The following SHISA9 variants were observed in gnomAD, a reference collection of about 807,000 sequenced individuals.
SHISA9 encodes shisa family member 9, also known as protein shisa-9.
Under a neutral mutation model 38.0 loss-of-function variants are expected in SHISA9, and 13 were observed. That is an observed-to-expected ratio of 0.34 (90% CI 0.22 to 0.54). The LOEUF is 0.54. Ranked by LOEUF, SHISA9 falls within the 20% of genes least tolerant of loss-of-function variation. SHISA9 has a pLI of 0.91. For missense variants in SHISA9, 538 were observed against 575.8 expected, an observed-to-expected ratio of 0.93 and a Z score of 0.67; for synonymous variants, 275 against 242.0, an observed-to-expected ratio of 1.14 and a Z score of -1.27.
At chr16:13,324,552 AG>A in the SHISA9 span, among the ~76,000 whole-genome samples, 3 of 152,140 alleles carry the variant, frequency 2.0e-5, no homozygotes, top group East Asian at 1.9e-4. Flanking sequence ...TATGAGCTGC[AG>A]GGGTTGTTTT....
intron 1 of SHISA9, among the ~76,000 whole-genome samples, chr16:12,906,784 T>C (rs1433517248): frequency 1.3e-5 from 2 of 152,202 alleles, no homozygotes; most frequent in Non-Finnish European, 2.9e-5. Context: ...TGGAGAATCC[T>C]GCGTTGTACG....
the SHISA9 span, among the ~76,000 whole-genome samples, chr16:13,329,626 G>C: frequency 1.3e-5 from 2 of 152,296 alleles, no homozygotes; most frequent in East Asian, 3.9e-4. Flanking sequence ...TCCCAGGCCT[G>C]TGAGTTTCCC....
the SHISA9 span, among the ~76,000 whole-genome samples, chr16:13,273,465 G>A: frequency 6.6e-6 from 1 of 152,270 alleles, no homozygotes. Flanking sequence ...GGTTTTAGAA[G>A]AGGGAATATC....
intron 2 of SHISA9, among the ~76,000 whole-genome samples, chr16:12,965,308 A>C (rs1486448177): frequency 6.6e-6 from 1 of 152,224 alleles, no homozygotes; most frequent in African/African-American, 2.4e-5. Context: ...GGTTGTCCTT[A>C]TATTCACAAA....
Position 13,175,687 on chromosome 16 carries a change from G to A in SHISA9, c.692-27707G>A, listed in dbSNP as rs574746295. Among the ~76,000 whole-genome samples, 9 of 152,340 alleles carry A rather than the reference G, an allele frequency of 5.9e-5. No individual in the cohort carries two copies. The East Asian group carries it at 1.2e-3, about 20-fold the overall frequency. On this transcript the variant is annotated intron_variant, in intron 2 of 4. Coordinates refer to ENST00000558583, the MANE Select transcript of SHISA9 (RefSeq NM_001145204.3). Reference sequence around the variant, plus strand: ...CTCCAGTATTTCTCTGCATGGGCACGGTGAGCACATTGGGTGGGATGAATC... The same window carrying A: ...CTCCAGTATTTCTCTGCATGGGCACAGTGAGCACATTGGGTGGGATGAATC...
At chr16:13,148,462 A>G (rs2050467512) in intron 2 of SHISA9, among the ~76,000 whole-genome samples, 1 of 152,068 alleles carries the variant, frequency 6.6e-6, no homozygotes, top group Non-Finnish European at 1.5e-5. Context: ...TTTCACCCAC[A>G]AAACATATAT....
chr16:13,422,649 T>C, the SHISA9 span, among the ~76,000 whole-genome samples: 1 of 152,156 alleles, frequency 6.6e-6, no homozygotes, highest in Non-Finnish European at 1.5e-5. Context: ...TGAGCTGAGA[T>C]CACTCCACTG....
the SHISA9 span, among the ~76,000 whole-genome samples, chr16:13,434,425 T>TTTTTTGTTTGTTTTG: frequency 4.0e-4 from 53 of 132,346 alleles, 1 homozygote; most frequent in African/African-American, 1.0e-3. Context: ...CTATGTTTTT[T>TTTTTTGTTTGTTTTG]TTTTTTTTTT....
At chr16:13,192,117 TCAGAAA>T (rs2050891018) in intron 2 of SHISA9, among the ~76,000 whole-genome samples, 1 of 152,036 alleles carries the variant, frequency 6.6e-6, no homozygotes. Flanking sequence ...GTGAACTAAC[TCAGAAA>T]CAGAAAATAA....
chr16:13,452,796 A>G, the SHISA9 span, among the ~76,000 whole-genome samples: 1 of 151,682 alleles, frequency 6.6e-6, no homozygotes, highest in South Asian at 2.1e-4. Flanking sequence ...CAATACACCA[A>G]GCTGTCTGGG....
intron 2 of SHISA9, among the ~76,000 whole-genome samples, chr16:13,045,302 C>T (rs537456345): frequency 1.1e-4 from 16 of 152,218 alleles, no homozygotes; most frequent in Admixed American, 2.0e-4. Context: ...GGTATTAACC[C>T]ATTTTGCAGG....
chr16:13,125,483 A>G (rs757870409), intron 2 of SHISA9, among the ~76,000 whole-genome samples: 10 of 152,184 alleles, frequency 6.6e-5, no homozygotes, highest in African/African-American at 1.9e-4. Flanking sequence ...GGGTGGTAAC[A>G]CTTATCTCAC....
chr16:13,097,099 T>C (rs2073835524), intron 2 of SHISA9, among the ~76,000 whole-genome samples: 1 of 152,138 alleles, frequency 6.6e-6, no homozygotes, highest in Non-Finnish European at 1.5e-5. Flanking sequence ...TAATCAACAC[T>C]TGATAAGTGT....
the SHISA9 span, among the ~76,000 whole-genome samples, chr16:13,343,160 C>T: frequency 5.3e-5 from 8 of 151,954 alleles, no homozygotes; most frequent in Non-Finnish European, 1.0e-4. Flanking sequence ...ATGATCTTAC[C>T]GCTTAGTCAA....
intron 2 of SHISA9, among the ~76,000 whole-genome samples, chr16:12,937,901 C>T (rs1208451399): frequency 1.3e-5 from 2 of 152,282 alleles, no homozygotes. Flanking sequence ...CTAGATATAT[C>T]TTTTGCCCTT....
At chr16:13,364,676 C>G in the SHISA9 span, among the ~76,000 whole-genome samples, 7 of 152,188 alleles carry the variant, frequency 4.6e-5, no homozygotes, top group African/African-American at 1.2e-4. Flanking sequence ...GGATCAAGCC[C>G]TGGAAGAGCC....
At chr16:13,003,201 C>T (rs533849540) in intron 2 of SHISA9, among the ~76,000 whole-genome samples, 1 of 152,294 alleles carries the variant, frequency 6.6e-6, no homozygotes, top group Admixed American at 6.5e-5. Flanking sequence ...GGGTCAAACC[C>T]TGCAGGTCTT....
At chr16:13,413,138 G>A in the SHISA9 span, among the ~76,000 whole-genome samples, 1 of 152,134 alleles carries the variant, frequency 6.6e-6, no homozygotes, top group Non-Finnish European at 1.5e-5. Context: ...GAAGGATGAG[G>A]AGGAGTTTAT....
chr16:13,155,769 T>C (rs150081), intron 2 of SHISA9, among the ~76,000 whole-genome samples: 130,866 of 152,098 alleles, frequency 0.86, 56,353 homozygotes, highest in East Asian at 0.94. Context: ...TCCATGATAT[T>C]ATTTGCTTCT....
Sources: gnomAD v4.1 joint callset for allele counts (sites outside exome capture counted in the v4.1 genomes callset) on GRCh38, gnomAD v4.1.1 for gene constraint, MANE v1.5 for transcripts, NCBI Gene and HGNC (gene_info 2026-07-23, HGNC 2026-07-21) for gene names.